DLGAP1: variants seen among roughly 807,000 people sequenced by gnomAD.
DLGAP1 encodes the protein disks large-associated protein 1.
In DLGAP1, 11 loss-of-function variants were observed where a neutral mutation model predicts 90.8. That is an observed-to-expected ratio of 0.12 (90% CI 0.08 to 0.20). The LOEUF is 0.20. Ranked by LOEUF, DLGAP1 falls within the 10% of genes least tolerant of loss-of-function variation. The probability of loss-of-function intolerance (pLI) is 1.00; values close to 1 mark genes in which losing one functional copy is unlikely to be tolerated. For synonymous variants in DLGAP1, 558 were observed against 540.7 expected (o/e 1.03, Z -0.44); for missense variants, 1,050 against 1,333.8 (o/e 0.79, Z 3.31).
At chr18:4,380,895 A>G (rs2082100923) in intron 1 of DLGAP1, among the ~76,000 whole-genome samples, 2 of 152,160 alleles carry the variant, frequency 1.3e-5, no homozygotes, top group Admixed American at 1.3e-4. Context: ...ATGGTTCTCC[A>G]CTGGTACATA....
Position 3,497,815 on chromosome 18 carries a change from CCTTGA to C in DLGAP1, c.*1365_*1369del, listed in dbSNP as rs1457202315. 1 of 152,188 alleles carries C rather than the reference CCTTGA, an allele frequency of 6.6e-6. No homozygotes were observed. The highest frequency in any genetic ancestry group is 1.5e-5 in the Non-Finnish European group (1 of 68,046). 9.4% of individuals were successfully genotyped at this position (152,188 alleles called of 1,614,324 possible). On this transcript the variant is annotated 3_prime_UTR_variant, in exon 13 of 13. Transcript: ENST00000315677. Reference sequence around the variant, plus strand: ...CTAAATCAACACTCTCTGCCAAAAGCCTTGACTTCTTTCAGTGTTTATGAATCATG... The same window carrying C: ...CTAAATCAACACTCTCTGCCAAAAGCCTTCTTTCAGTGTTTATGAATCATG...
chr18:3,607,203 C>G (rs1411665534), intron 7 of DLGAP1: 2 of 152,006 alleles, frequency 1.3e-5, no homozygotes, highest in Admixed American at 6.6e-5. Flanking sequence ...TTTTATTTTT[C>G]TTTTAATTCC....
At chr18:4,003,672 A>C (rs1399068656) in intron 3 of DLGAP1, among the ~76,000 whole-genome samples, 4 of 152,142 alleles carry the variant, frequency 2.6e-5, no homozygotes, top group Non-Finnish European at 4.4e-5. Context: ...GTTTTAATAG[A>C]GGGAGAGAAT....
chr18:3,962,877 T>C (rs186712267), intron 3 of DLGAP1, among the ~76,000 whole-genome samples: 172 of 152,354 alleles, frequency 1.1e-3, no homozygotes, highest in Non-Finnish European at 1.6e-3. Context: ...TGCTTTTTTT[T>C]CTGTTGACAA....
intron 3 of DLGAP1, chr18:3,896,725 C>G (rs946897988): frequency 6.6e-6 from 1 of 152,418 alleles, no homozygotes; most frequent in Non-Finnish European, 1.5e-5. Flanking sequence ...AGCCTCCTGT[C>G]TCCTACCTGT....
chr18:4,116,544 TC>T (rs1252382663), intron 2 of DLGAP1, among the ~76,000 whole-genome samples: 1 of 152,138 alleles, frequency 6.6e-6, no homozygotes, highest in Non-Finnish European at 1.5e-5. Flanking sequence ...TTTTCCTCAT[TC>T]TTTTTTTTCT....
At chr18:4,267,592 C>T (rs1235276828) in intron 1 of DLGAP1, among the ~76,000 whole-genome samples, 2 of 152,188 alleles carry the variant, frequency 1.3e-5, no homozygotes, top group South Asian at 2.1e-4. Flanking sequence ...CAGCTGCATA[C>T]AAAATTACTC....
chr18:4,053,806 A>G (rs2075172718), intron 2 of DLGAP1, among the ~76,000 whole-genome samples: 1 of 152,182 alleles, frequency 6.6e-6, no homozygotes, highest in African/African-American at 2.4e-5. Flanking sequence ...ATGGACTAAT[A>G]CACCTTGTTT....
chr18:3,630,905 C>G (rs2058499807), intron 7 of DLGAP1, among the ~76,000 whole-genome samples: 1 of 152,162 alleles, frequency 6.6e-6, no homozygotes, highest in African/African-American at 2.4e-5. Flanking sequence ...GTTGATATTG[C>G]ATTAAATTTA....
intron 1 of DLGAP1, among the ~76,000 whole-genome samples, chr18:4,204,035 T>C (rs992885705): frequency 6.6e-6 from 1 of 152,176 alleles, no homozygotes; most frequent in Non-Finnish European, 1.5e-5. Flanking sequence ...TAACACATGG[T>C]CCATAATTTT....
At chr18:3,818,346 GTTTTTTTTTTTTTTTTTT>G (rs398031872) in intron 4 of DLGAP1, among the ~76,000 whole-genome samples, 1 of 66,456 alleles carries the variant, frequency 1.5e-5, no homozygotes, top group Admixed American at 2.0e-4. Flanking sequence ...TGTAGGGATG[GTTTTTTTTTTTTTTTTTT>G]TTTTTTTTTT....
intron 12 of DLGAP1, among the ~76,000 whole-genome samples, chr18:3,500,553 C>T (rs1449051666): frequency 1.3e-5 from 2 of 152,132 alleles, no homozygotes; most frequent in Non-Finnish European, 2.9e-5. Flanking sequence ...CCTGGAGCTA[C>T]CCCACCGGCT....
intron 1 of DLGAP1, among the ~76,000 whole-genome samples, chr18:4,365,594 G>T (rs2081745296): frequency 6.6e-6 from 1 of 151,978 alleles, no homozygotes; most frequent in Non-Finnish European, 1.5e-5. Flanking sequence ...AAAATATAAT[G>T]ACCCAATTGG....
At chr18:3,547,942 A>G (rs1316164663) in intron 9 of DLGAP1, among the ~76,000 whole-genome samples, 1 of 152,238 alleles carries the variant, frequency 6.6e-6, no homozygotes, top group Non-Finnish European at 1.5e-5. Flanking sequence ...AACACATGCT[A>G]CAACATGGAT....
Position 4,451,364 on chromosome 18 carries a change from G to C in DLGAP1, c.-267+3642C>G, listed in dbSNP as rs527556727. Among the ~76,000 whole-genome samples, 5 of 152,274 alleles carry C rather than the reference G, an allele frequency of 3.3e-5. No homozygotes were observed. The East Asian group carries it at 9.7e-4, about 29-fold the overall frequency. On this transcript the variant is annotated intron_variant, in intron 1 of 12. Coordinates refer to ENST00000315677, the MANE Select transcript of DLGAP1 (RefSeq NM_004746.4). ...TGTGTTTGGCAGGGTTACAGGGAAA[G>C]GTGTAGCAAATATACAGTATACAGC...
chr18:4,058,325 G>T (rs1231582558), intron 2 of DLGAP1, among the ~76,000 whole-genome samples: 1 of 152,178 alleles, frequency 6.6e-6, no homozygotes, highest in Non-Finnish European at 1.5e-5. Flanking sequence ...TAGCAGCAAA[G>T]AAATAGACTC....
At chr18:4,214,624 ATC>A (rs2077914369) in intron 1 of DLGAP1, among the ~76,000 whole-genome samples, 1 of 152,304 alleles carries the variant, frequency 6.6e-6, no homozygotes, top group African/African-American at 2.4e-5. Context: ...ATATCTTTCT[ATC>A]TCTCAGACAT....
intron 7 of DLGAP1, among the ~76,000 whole-genome samples, chr18:3,614,850 A>AGG (rs1287686805): frequency 1.1e-5 from 1 of 93,112 alleles, no homozygotes; most frequent in African/African-American, 5.1e-5. Flanking sequence ...ACTCTGTCTC[A>AGG]AGAAAAAAAA....
At chr18:4,369,014 CCAGCATCCTA>C (rs1490476712) in intron 1 of DLGAP1, among the ~76,000 whole-genome samples, 1 of 152,090 alleles carries the variant, frequency 6.6e-6, no homozygotes, top group East Asian at 1.9e-4. Flanking sequence ...ACACAGCTAA[CCAGCATCCTA>C]CACTGCATCA....
Sources: allele counts gnomAD v4.1 joint callset (sites outside exome capture counted in the v4.1 genomes callset), GRCh38; gene constraint gnomAD v4.1.1; transcripts MANE v1.5; gene names NCBI Gene and HGNC (gene_info 2026-07-23, HGNC 2026-07-21).